The following LMCD1 variants were observed in gnomAD, a reference collection of about 807,000 sequenced individuals.
LMCD1 encodes LIM and cysteine rich domains 1.
Under a neutral mutation model 42.7 loss-of-function variants are expected in LMCD1, and 32 were observed. The observed-to-expected ratio is 0.75, with a 90% CI of 0.57 to 1.01. LMCD1 has a LOEUF of 1.01. Ranked by LOEUF, LMCD1 falls within the 50% of genes least tolerant of loss-of-function variation. The pLI is 0.00. For synonymous variants in LMCD1, 178 were observed against 184.9 expected (o/e 0.96, Z 0.30); for missense variants, 458 against 483.1 (o/e 0.95, Z 0.49).
In LMCD1 at chr3:8,567,867, G is replaced by A; in HGVS notation, c.*269G>A. On this transcript the variant is annotated 3_prime_UTR_variant, in exon 6 of 6. Coordinates refer to ENST00000157600, the MANE Select transcript of LMCD1 (RefSeq NM_014583.4). The stretch of plus-strand genomic sequence containing the variant: ...CTTTTCTTTCTGTTGTTGTTTCCCA[G>A]CTACAACCAACTAAAGACACAAATG... 1 of 248,896 alleles carries A rather than the reference G, an allele frequency of 4.0e-6. No individual in the cohort carries two copies. The highest frequency in any genetic ancestry group is 7.6e-6 in the Non-Finnish European group (1 of 131,738). 15.4% of individuals were successfully genotyped at this position (248,896 alleles called of 1,614,324 possible).
intron 4 of LMCD1, among the ~76,000 whole-genome samples, chr3:8,553,005 A>G (rs983454880): frequency 3.9e-5 from 6 of 152,172 alleles, no homozygotes; most frequent in African/African-American, 1.4e-4. Context: ...GTATTTATTT[A>G]TGTGGGATAG....
At chr3:8,522,495 C>T (rs1245560533) in intron 1 of LMCD1, among the ~76,000 whole-genome samples, 1 of 152,212 alleles carries the variant, frequency 6.6e-6, no homozygotes, top group Non-Finnish European at 1.5e-5. Context: ...TCAGGGACAG[C>T]TGCTGTGGGA....
intron 4 of LMCD1, among the ~76,000 whole-genome samples, chr3:8,554,368 A>G (rs1477982060): frequency 6.9e-6 from 1 of 145,248 alleles, no homozygotes; most frequent in Non-Finnish European, 1.5e-5. Flanking sequence ...GGGCCTCGGC[A>G]GGGTGGGTCC....
chr3:8,520,907 A>C (rs1337017419), intron 1 of LMCD1, among the ~76,000 whole-genome samples: 1 of 152,226 alleles, frequency 6.6e-6, no homozygotes, highest in Non-Finnish European at 1.5e-5. Flanking sequence ...GTAGCCCCTC[A>C]AATAACGGGC....
intron 3 of LMCD1, among the ~76,000 whole-genome samples, chr3:8,546,781 T>A (rs1694744121): frequency 6.6e-6 from 1 of 152,080 alleles, no homozygotes; most frequent in African/African-American, 2.4e-5. Context: ...AAGGTAGAAA[T>A]CAAGCCTATC....
At chr3:8,505,740 T>A (rs1428093028) in intron 1 of LMCD1, among the ~76,000 whole-genome samples, 1 of 152,228 alleles carries the variant, frequency 6.6e-6, no homozygotes, top group Non-Finnish European at 1.5e-5. Context: ...TCTCCATGCT[T>A]CTCTACATCA....
intron 1 of LMCD1, among the ~76,000 whole-genome samples, chr3:8,514,470 A>G (rs1021180631): frequency 6.6e-6 from 1 of 152,182 alleles, no homozygotes; most frequent in Non-Finnish European, 1.5e-5. Context: ...AAAAAGTTAA[A>G]TATATATCCA....
chr3:8,530,389 C>T (rs890117795), intron 1 of LMCD1, among the ~76,000 whole-genome samples: 1 of 152,214 alleles, frequency 6.6e-6, no homozygotes, highest in South Asian at 2.1e-4. Flanking sequence ...GCATCACCGG[C>T]GAGTGCTCTG....
intron 1 of LMCD1, 62 bp downstream of exon 1, chr3:8,502,042 T>A: frequency 6.7e-7 from 1 of 1,497,456 alleles, no homozygotes; most frequent in Non-Finnish European, 9.1e-7. Flanking sequence ...CCTTCCCATC[T>A]GTTCGCGGAA....
intron 1 of LMCD1, among the ~76,000 whole-genome samples, chr3:8,521,964 C>T (rs188011292): frequency 2.0e-4 from 30 of 152,108 alleles, no homozygotes; most frequent in Non-Finnish European, 2.2e-4. Context: ...TTTAGAACCA[C>T]CACCATCACC....
At position 8,567,554 on chromosome 3, in the gene LMCD1, G is replaced by A. The variant is rs1297415996; in HGVS notation, c.1054G>A (p.Gly352Ser). 2 of 1,613,542 alleles carry A rather than the reference G, an allele frequency of 1.2e-6. No homozygotes were observed. Among genetic ancestry groups the A allele is most frequent in the African/African-American group, 2.7e-5 (2 of 74,762 alleles). Reference protein sequence around the residue: ...LSGRAYIVTKGQLLCPTCSKS... With the variant: ...LSGRAYIVTKSQLLCPTCSKS... ...CGGCCGGGCGTACATCGTCACCAAG[G>A]GTCAGCTTCTGTGCCCAACTTGCAG... The change falls in exon 6 of 6, where the codon GGT (glycine) becomes AGT (serine). Residue 352 changes from glycine to serine, a missense_variant. Coordinates refer to ENST00000157600, the MANE Select transcript of LMCD1 (RefSeq NM_014583.4).
At chr3:8,503,616 C>T (rs1693813582) in intron 1 of LMCD1, among the ~76,000 whole-genome samples, 1 of 152,188 alleles carries the variant, frequency 6.6e-6, no homozygotes, top group Admixed American at 6.5e-5. Flanking sequence ...CACACCATGC[C>T]ACACAGCAGG....
At chr3:8,541,647 G>A (rs1290206787) in intron 3 of LMCD1, among the ~76,000 whole-genome samples, 2 of 152,226 alleles carry the variant, frequency 1.3e-5, no homozygotes, top group African/African-American at 2.4e-5. Flanking sequence ...TAAAGGTTAT[G>A]GGAACAAGAT....
intron 4 of LMCD1, among the ~76,000 whole-genome samples, chr3:8,553,522 G>T (rs1694875897): frequency 6.6e-6 from 1 of 152,186 alleles, no homozygotes; most frequent in Non-Finnish European, 1.5e-5. Context: ...TGCATGGCCG[G>T]GGCTGTCAGT....
At chr3:8,505,216 A>G (rs758613498) in intron 1 of LMCD1, among the ~76,000 whole-genome samples, 1 of 152,230 alleles carries the variant, frequency 6.6e-6, no homozygotes. Flanking sequence ...AAGAGCACCT[A>G]ACTTTCATTC....
At chr3:8,552,945 G>A (rs970130831) in intron 4 of LMCD1, among the ~76,000 whole-genome samples, 7 of 152,178 alleles carry the variant, frequency 4.6e-5, no homozygotes, top group East Asian at 3.9e-4. Flanking sequence ...GGATGGTCTC[G>A]ATCTCCTGAC....
At chr3:8,550,869 A>G (rs1694827726) in intron 4 of LMCD1, 1 of 985,252 alleles carries the variant, frequency 1.0e-6, no homozygotes. Context: ...CCCAAGAGAC[A>G]TGTGGATCTG....
At chr3:8,553,214 A>C in intron 4 of LMCD1, among the ~76,000 whole-genome samples, 1 of 148,784 alleles carries the variant, frequency 6.7e-6, no homozygotes, top group South Asian at 2.2e-4. Flanking sequence ...ACCCCCCGAC[A>C]CACACACCAG....
chr3:8,557,303 A>G (rs944080766), intron 4 of LMCD1, among the ~76,000 whole-genome samples: 2 of 152,264 alleles, frequency 1.3e-5, no homozygotes, highest in South Asian at 2.1e-4. Flanking sequence ...AATAGTCACC[A>G]TAAGAGGAAA....
Sources: gnomAD v4.1 joint callset for allele counts (sites outside exome capture counted in the v4.1 genomes callset) on GRCh38, gnomAD v4.1.1 for gene constraint, MANE v1.5 for transcripts, NCBI Gene and HGNC (gene_info 2026-07-23, HGNC 2026-07-21) for gene names.